TANC2: variants seen among roughly 807,000 people sequenced by gnomAD.
The protein encoded by TANC2 is protein TANC2.
TANC2 carries 26 observed loss-of-function variants against 210.5 expected under a neutral mutation model. The ratio of observed to expected loss-of-function variants is 0.12; its 90% confidence interval spans 0.09 to 0.17. The LOEUF (loss-of-function observed/expected upper bound fraction) is 0.17. Among genes scored for constraint, TANC2 ranks in the 10% least tolerant of loss-of-function variants. TANC2 has a pLI of 1.00. For synonymous variants in TANC2, 931 were observed against 967.1 expected (o/e 0.96, Z 0.69); for missense variants, 2,129 against 2,608.9 (o/e 0.82, Z 4.01).
At chr17:63,107,204 T>G (rs1224889003) in intron 4 of TANC2, among the ~76,000 whole-genome samples, 1 of 151,612 alleles carries the variant, frequency 6.6e-6, no homozygotes, top group Non-Finnish European at 1.5e-5. Context: ...TGATTTCAGT[T>G]TCCCTTATAA....
chr17:63,053,282 A>C (rs2035647605), intron 2 of TANC2, among the ~76,000 whole-genome samples: 2 of 152,236 alleles, frequency 1.3e-5, no homozygotes, highest in African/African-American at 4.8e-5. Flanking sequence ...TCTCTATTGA[A>C]CTTAATCCCA....
chr17:63,168,373 TGACTC>T (rs1369594084), intron 5 of TANC2, among the ~76,000 whole-genome samples: 1 of 152,218 alleles, frequency 6.6e-6, no homozygotes, highest in Non-Finnish European at 1.5e-5. Context: ...ATGTTAATAA[TGACTC>T]GTGCCATTGA....
chr17:63,029,981 T>G (rs2034704295), intron 2 of TANC2, among the ~76,000 whole-genome samples: 1 of 152,152 alleles, frequency 6.6e-6, no homozygotes, highest in African/African-American at 2.4e-5. Flanking sequence ...GAATGGACAG[T>G]TAATCACAGT....
At chr17:63,229,770 A>ATT (rs200009079) in intron 7 of TANC2, among the ~76,000 whole-genome samples, 3,879 of 130,570 alleles carry the variant, frequency 0.03, 103 homozygotes, top group African/African-American at 0.068. Context: ...GATTGTTTGT[A>ATT]TTTTTTTTTT....
intron 11 of TANC2, among the ~76,000 whole-genome samples, chr17:63,332,712 A>G (rs2045898877): frequency 6.6e-6 from 1 of 152,180 alleles, no homozygotes; most frequent in Admixed American, 6.5e-5. Flanking sequence ...TAGGACTTTC[A>G]TAGCTAGAGA....
chr17:63,235,353 G>A (rs1000764247), intron 7 of TANC2, among the ~76,000 whole-genome samples: 4 of 152,020 alleles, frequency 2.6e-5, no homozygotes, highest in Middle Eastern at 3.4e-3. Flanking sequence ...TCACTAAAGG[G>A]GAAATAGAGT....
At chr17:63,320,457 C>T (rs2045460458) in intron 11 of TANC2, 2 of 152,080 alleles carry the variant, frequency 1.3e-5, no homozygotes, top group Non-Finnish European at 2.9e-5. Flanking sequence ...CGATTTTATT[C>T]TTCATTTTGG....
rs757337752 is a variant in TANC2, at chr17:63,388,710, T to C, written c.2767T>C (p.Ser923Pro). ...GATCTCTTATAGCACAGAAGGTCTT[T>C]CCATGGCACTGGCGTCTTTACGAAA... Residue 923 changes from serine to proline, a missense_variant, in exon 16 of 28, where the codon TCC becomes CCC. Around this residue, in one of 5 missense-constraint regions of TANC2, gnomAD observed 644 missense variants for 937.5 expected, o/e 0.69. Coordinates refer to ENST00000689528, the Ensembl canonical transcript of TANC2. The C allele has an allele frequency of 2.5e-6, 4 of 1,598,078 alleles. No homozygotes were observed. Among genetic ancestry groups the C allele is most frequent in the Non-Finnish European group, 3.4e-6 (4 of 1,171,474 alleles).
intron 14 of TANC2, among the ~76,000 whole-genome samples, chr17:63,377,338 A>G (rs2047457453): frequency 6.6e-6 from 1 of 152,082 alleles, no homozygotes. Flanking sequence ...CAGGCTGCAA[A>G]TTTTTCAAAC....
chr17:63,256,566 T>C (rs2043201426), intron 8 of TANC2, among the ~76,000 whole-genome samples: 1 of 152,246 alleles, frequency 6.6e-6, no homozygotes, highest in South Asian at 2.1e-4. Flanking sequence ...ATGTCTATTC[T>C]GCAGCCATTG....
intron 7 of TANC2, among the ~76,000 whole-genome samples, chr17:63,205,042 G>A (rs1172236012): frequency 6.6e-6 from 1 of 151,958 alleles, no homozygotes; most frequent in East Asian, 1.9e-4. Context: ...CTGAGATCAA[G>A]CCACTGCACT....
chr17:63,310,113 A>G (rs1163777317), intron 9 of TANC2, among the ~76,000 whole-genome samples: 2 of 152,246 alleles, frequency 1.3e-5, no homozygotes, highest in African/African-American at 4.8e-5. Context: ...AAAGACTGAC[A>G]AGTTTGGCGA....
intron 1 of TANC2, among the ~76,000 whole-genome samples, chr17:62,992,420 T>C (rs2032915578): frequency 6.6e-6 from 1 of 152,218 alleles, no homozygotes; most frequent in Non-Finnish European, 1.5e-5. Flanking sequence ...TCTTCAGACA[T>C]GGTATAAATT....
At chr17:63,181,556 C>T (rs571174683) in intron 5 of TANC2, among the ~76,000 whole-genome samples, 62 of 152,338 alleles carry the variant, frequency 4.1e-4, no homozygotes, top group African/African-American at 1.3e-3. Context: ...ATTTAAAATG[C>T]GTCTTCAAGG....
chr17:63,067,461 A>C (rs539272798), intron 2 of TANC2, among the ~76,000 whole-genome samples: 1 of 152,164 alleles, frequency 6.6e-6, no homozygotes, highest in South Asian at 2.1e-4. Flanking sequence ...TCATGTATGA[A>C]ATTAAATCAA....
intron 9 of TANC2, among the ~76,000 whole-genome samples, chr17:63,312,277 A>G (rs2045151517): frequency 6.6e-6 from 1 of 152,134 alleles, no homozygotes; most frequent in Non-Finnish European, 1.5e-5. Context: ...TGTTCATTAA[A>G]ATACTAGTGA....
At chr17:63,305,812 G>T (rs1179175957) in intron 9 of TANC2, among the ~76,000 whole-genome samples, 1 of 152,198 alleles carries the variant, frequency 6.6e-6, no homozygotes, top group African/African-American at 2.4e-5. Context: ...AAGAAGAGGG[G>T]CATTTCAGGT....
intron 4 of TANC2, among the ~76,000 whole-genome samples, chr17:63,112,753 A>T (rs1248488154): frequency 6.6e-6 from 1 of 152,232 alleles, no homozygotes; most frequent in South Asian, 2.1e-4. Flanking sequence ...GAAATAATAA[A>T]AAGAATCCTA....
Position 63,421,185 on chromosome 17 carries a change from C to T in TANC2, c.5455C>T (p.Leu1819=). 1 of 1,614,014 alleles carries T rather than the reference C, an allele frequency of 6.2e-7. No homozygotes were observed. Among genetic ancestry groups the T allele is most frequent in the East Asian group, 2.2e-5 (1 of 44,884 alleles). Residue 1819 remains leucine, a synonymous_variant, in exon 28 of 28, where the codon CTG becomes TTG. Transcript: ENST00000689528. This position sits in a 1 kb window ranked among gnomAD's most constrained non-coding sequence, Gnocchi z 6.9. ...CCCAGTCTGTCACTCAAAACTAGAT[C>T]TGGAGCGCTCCTCCAGCCAACTAGG...
Sources: gnomAD v4.1 joint callset for allele counts (sites outside exome capture counted in the v4.1 genomes callset) on GRCh38, gnomAD v4.1.1 for gene constraint, gnomAD v4.1.1 regional missense constraint, Gnocchi (gnomAD v3.1) non-coding constraint, MANE v1.5 for transcripts, NCBI Gene and HGNC (gene_info 2026-07-23, HGNC 2026-07-21) for gene names.